Variants in HYDIN observed in about 807,000 individuals in gnomAD.
HYDIN encodes axonemal central pair apparatus protein HYDIN.
HYDIN carries 132 observed loss-of-function variants against 403.9 expected under a neutral mutation model. The observed-to-expected ratio is 0.33, with a 90% CI of 0.28 to 0.38. The LOEUF is 0.38. Among genes scored for constraint, HYDIN ranks in the 10% least tolerant of loss-of-function variants. The probability of loss-of-function intolerance (pLI) is 1.00; values close to 1 mark genes in which losing one functional copy is unlikely to be tolerated. For synonymous variants in HYDIN, 1,202 were observed against 1,891.7 expected, an observed-to-expected ratio of 0.64 and a Z score of 9.46; for missense variants, 2,827 against 5,009.5, an observed-to-expected ratio of 0.56 and a Z score of 13.15.
chr16:71,132,874 A>G (rs1204566423), intron 8 of HYDIN: 1 of 149,546 alleles, frequency 6.7e-6, no homozygotes, highest in African/African-American at 2.5e-5. Flanking sequence ...AAGGGCTTCC[A>G]TAGATCTCAG....
rs1345067800 is a variant in HYDIN, at chr16:71,062,233, T to C, written c.2312A>G (p.Gln771Arg). 3.3e-6 allele frequency: 5 copies of C among 1,508,700 alleles called. No individual in the cohort carries two copies. Among genetic ancestry groups the C allele is most frequent in the Non-Finnish European group, 4.6e-6 (5 of 1,095,544 alleles). 93.5% of individuals were successfully genotyped at this position (1,508,700 alleles called of 1,614,324 possible). ...CGTGGATCTGTGTTCTCCAGTGACCTGGGTCTCCAGGACCAGTGGTATGTG... is the reference window on the plus strand; with the variant it reads ...CGTGGATCTGTGTTCTCCAGTGACCCGGGTCTCCAGGACCAGTGGTATGTG... ...TIHIPLVLET[Q>R]VTGEHRSTVY... The change falls in exon 17 of 86, where the codon CAG (glutamine) becomes CGG (arginine). Residue 771 changes from glutamine (Q) to arginine (R), a missense_variant. Gln to Arg is a conservative substitution (Grantham distance 43). Transcript: ENST00000393567.
rs773302187 is a variant in HYDIN, at chr16:70,862,027, G to A, written c.11777+21C>T. Reference sequence around the variant, plus strand: ...CTTTGTGCCTGCCAAGAAGGGTGTTGTGGCGAGCACATTTTCTTACTGGCA... The same window carrying A: ...CTTTGTGCCTGCCAAGAAGGGTGTTATGGCGAGCACATTTTCTTACTGGCA... On this transcript the variant is annotated intron_variant, in intron 69 of 85. Coordinates refer to ENST00000393567, the MANE Select transcript of HYDIN (RefSeq NM_001270974.2). The A allele has an allele frequency of 4.1e-4, 640 of 1,543,336 alleles. 1 individual carries two copies. The highest frequency in any genetic ancestry group is 5.0e-4 in the Non-Finnish European group (575 of 1,144,094).
chr16:71,014,494 C>T (rs535138933), intron 23 of HYDIN, among the ~76,000 whole-genome samples: 7 of 151,856 alleles, frequency 4.6e-5, no homozygotes, highest in South Asian at 4.2e-4. Context: ...CCTTTGGTGG[C>T]GGGCATGTGA....
At chr16:71,037,012 T>C (rs7196631) in intron 18 of HYDIN, among the ~76,000 whole-genome samples, 3 of 131,234 alleles carry the variant, frequency 2.3e-5, no homozygotes, top group Admixed American at 8.4e-5. Context: ...TAGCAGCTGA[T>C]AGAAATAGGG....
At chr16:71,200,220 G>C (rs2087925215) in intron 1 of HYDIN, among the ~76,000 whole-genome samples, 1 of 152,180 alleles carries the variant, frequency 6.6e-6, no homozygotes, top group Non-Finnish European at 1.5e-5. Context: ...CCATAAAAAT[G>C]GGCAACCAGC....
At chr16:71,032,662 T>A (rs866736009) in intron 18 of HYDIN, among the ~76,000 whole-genome samples, 98 of 112,796 alleles carry the variant, frequency 8.7e-4, no homozygotes, top group Non-Finnish European at 1.5e-3. Flanking sequence ...CCGTGCAGCA[T>A]GTTTCTGTAC....
intron 50 of HYDIN, among the ~76,000 whole-genome samples, chr16:70,906,991 C>T (rs532965203): frequency 3.3e-5 from 5 of 152,292 alleles, no homozygotes; most frequent in African/African-American, 1.2e-4. Flanking sequence ...ATCTCATCTA[C>T]GTCTGTGGCT....
chr16:71,010,459 T>C (rs1263423105), intron 23 of HYDIN, among the ~76,000 whole-genome samples: 4 of 152,064 alleles, frequency 2.6e-5, no homozygotes, highest in African/African-American at 9.7e-5. Flanking sequence ...ATCTCAAAGC[T>C]GCCTCTGGAG....
chr16:70,868,560 C>A lies in HYDIN; in HGVS notation c.11310+10G>T, dbSNP rs755458563. 21 of 1,607,110 alleles carry A rather than the reference C, an allele frequency of 1.3e-5. No individual in the cohort carries two copies. In the African/African-American group the frequency reaches 1.9e-4, roughly 14 times the overall value. On this transcript the variant is annotated intron_variant, in intron 66 of 85. Coordinates refer to ENST00000393567, the MANE Select transcript of HYDIN (RefSeq NM_001270974.2). ...GCCTGGTCAGATTGGTGCTTGATGT[C>A]CCCACTTACTTTTCGTTTTGTAGTG...
At chr16:71,126,258 T>A (rs2084451431) in intron 9 of HYDIN, among the ~76,000 whole-genome samples, 1 of 152,142 alleles carries the variant, frequency 6.6e-6, no homozygotes, top group South Asian at 2.1e-4. Flanking sequence ...ATTGGAAACA[T>A]TCTCCAACAT....
chr16:70,882,561 C>T (rs2040874819), intron 60 of HYDIN, 99 bp downstream of exon 60: 1 of 604,380 alleles, frequency 1.7e-6, no homozygotes, highest in Admixed American at 2.9e-5. Flanking sequence ...CAGATAATTT[C>T]CACTCACGCA....
At chr16:70,930,616 G>A (rs1000234784) in intron 45 of HYDIN, among the ~76,000 whole-genome samples, 5 of 152,254 alleles carry the variant, frequency 3.3e-5, no homozygotes, top group South Asian at 2.1e-4. Flanking sequence ...GAGGAACCCC[G>A]CATTTTCTGT....
chr16:70,884,063 C>T lies in HYDIN; in HGVS notation c.9836G>A (p.Gly3279Glu). 6.2e-7 allele frequency: 1 copy of T among 1,613,338 alleles called. No individual in the cohort carries two copies. The highest frequency in any genetic ancestry group is 8.5e-7 in the Non-Finnish European group (1 of 1,179,720). The change falls in exon 59 of 86, where the codon GGA (glycine) becomes GAA (glutamate). Residue 3279 changes from glycine (G) to glutamate (E), a missense_variant. Physicochemically the swap from Gly to Glu is moderately conservative, Grantham distance 98. Coordinates refer to ENST00000393567, the MANE Select transcript of HYDIN (RefSeq NM_001270974.2). ...ACAGTCAACGTTGATGACCTGCTGT[C>T]CTCCGGAAGGAATGGAGCCAAACCC... ...YPGFGSIPSG[G>E]QQVINVDCVA...
intron 53 of HYDIN, among the ~76,000 whole-genome samples, chr16:70,898,386 G>C (rs1057384871): frequency 4.6e-5 from 7 of 151,840 alleles, no homozygotes; most frequent in African/African-American, 1.2e-4. Context: ...CTGGGTACCT[G>C]GTGCAGAGCT....
chr16:71,017,311 C>T (rs10744981), intron 23 of HYDIN, among the ~76,000 whole-genome samples: 1,633 of 146,128 alleles, frequency 0.011, 24 homozygotes, highest in African/African-American at 0.038. Flanking sequence ...GATAGCGCCA[C>T]TGCACTCCAG....
chr16:71,171,653 T>A (rs2086468156), intron 5 of HYDIN, among the ~76,000 whole-genome samples: 1 of 152,204 alleles, frequency 6.6e-6, no homozygotes, highest in African/African-American at 2.4e-5. Context: ...GATGTGACTA[T>A]CTGGAAATAT....
At chr16:71,113,850 T>A (rs1433377729) in intron 10 of HYDIN, 1 of 152,178 alleles carries the variant, frequency 6.6e-6, no homozygotes. Flanking sequence ...CACGTCAGCC[T>A]CCCAAAGTGC....
chr16:71,180,007 A>G (rs914793300), intron 3 of HYDIN, among the ~76,000 whole-genome samples: 2 of 152,232 alleles, frequency 1.3e-5, no homozygotes, highest in Non-Finnish European at 2.9e-5. Flanking sequence ...ATCCAAATAA[A>G]GAAAAAAATT....
In HYDIN at chr16:70,879,454, T is replaced by G. The variant is rs772333662; in HGVS notation, c.10400A>C (p.Asp3467Ala). 5 of 1,613,124 alleles carry G rather than the reference T, an allele frequency of 3.1e-6. No homozygotes were observed. In the Admixed American group the frequency reaches 8.3e-5, roughly 27 times the overall value. Residue 3467 changes from aspartate to alanine, a missense_variant, in exon 62 of 86, where the codon GAC becomes GCC. Physicochemically the swap from Asp to Ala is moderately radical, Grantham distance 126. Coordinates refer to ENST00000393567, the MANE Select transcript of HYDIN (RefSeq NM_001270974.2). Reference sequence around the variant, plus strand: ...AGGGAGGTTCCCCTCACCAGCGATGTCAAACACGAGGCCTCGGCTCTTGGC... The same window carrying G: ...AGGGAGGTTCCCCTCACCAGCGATGGCAAACACGAGGCCTCGGCTCTTGGC... Reference protein sequence around the residue: ...TLAKSRGLVFDIAGEGNLPRV... With the variant: ...TLAKSRGLVFAIAGEGNLPRV...
Sources: gnomAD v4.1 joint callset for allele counts (sites outside exome capture counted in the v4.1 genomes callset) on GRCh38, gnomAD v4.1.1 for gene constraint, MANE v1.5 for transcripts, NCBI Gene and HGNC (gene_info 2026-07-23, HGNC 2026-07-21) for gene names.